The following TMEM132C variants were observed in gnomAD, a reference collection of about 807,000 sequenced individuals.
TMEM132C encodes the protein transmembrane protein 132C.
TMEM132C carries 29 observed loss-of-function variants against 61.4 expected under a neutral mutation model. The ratio of observed to expected loss-of-function variants is 0.47; its 90% CI spans 0.35 to 0.64. The LOEUF is 0.64. Among genes scored for constraint, TMEM132C ranks in the 30% least tolerant of loss-of-function variants. The pLI is 0.00. For missense variants in TMEM132C, 1,408 were observed against 1,476.9 expected, an observed-to-expected ratio of 0.95 and a Z score of 0.76; for synonymous variants, 656 against 633.1, an observed-to-expected ratio of 1.04 and a Z score of -0.54.
chr12:128,615,830 A>G (rs1876782049), intron 3 of TMEM132C, among the ~76,000 whole-genome samples: 3 of 152,224 alleles, frequency 2.0e-5, no homozygotes, highest in Admixed American at 1.3e-4. Context: ...ATTCAGGTGC[A>G]TACTGCAGGT....
rs1695240571 is a variant in TMEM132C, at chr12:128,415,931, T to C, written c.974+311T>C. On this transcript the variant is annotated intron_variant, in intron 2 of 8. Coordinates refer to ENST00000435159, the MANE Select transcript of TMEM132C (RefSeq NM_001136103.3). This position sits in a 1 kb window ranked among gnomAD's most constrained non-coding sequence, Gnocchi z 5.8. The stretch of plus-strand genomic sequence containing the variant: ...TTGGAGAGGGATGTGATTTTTCTTC[T>C]GCTGTGAATCCTTTGATGAGATACC... Among the ~76,000 whole-genome samples, 1 of 152,202 alleles carries C rather than the reference T, an allele frequency of 6.6e-6. No homozygotes were observed. Among genetic ancestry groups the C allele is most frequent in the Non-Finnish European group, 1.5e-5 (1 of 68,038 alleles).
intron 5 of TMEM132C, among the ~76,000 whole-genome samples, chr12:128,672,199 T>C (rs1336435284): frequency 6.6e-6 from 1 of 152,074 alleles, no homozygotes; most frequent in Admixed American, 6.6e-5. Context: ...AAATCGAAAC[T>C]AGCCCCATTT....
At chr12:128,543,033 G>A (rs926951612) in intron 2 of TMEM132C, among the ~76,000 whole-genome samples, 3 of 152,070 alleles carry the variant, frequency 2.0e-5, no homozygotes, top group Admixed American at 6.6e-5. Flanking sequence ...TACTTGTCTC[G>A]TCCGTTTATT....
chr12:128,669,341 T>G, intron 4 of TMEM132C, 76 bp from the exon 5 acceptor site: 2 of 1,500,668 alleles, frequency 1.3e-6, no homozygotes, highest in African/African-American at 1.4e-5. Flanking sequence ...CCCTGGGAGA[T>G]TCCCCCTAGA....
In TMEM132C at chr12:128,316,631, C is replaced by T. The variant is rs908588510; in HGVS notation, c.85+49144C>T. Among the ~76,000 whole-genome samples the T allele has an allele frequency of 2.5e-4, 38 of 152,242 alleles. 1 individual carries two copies. The highest frequency in any genetic ancestry group is 1.2e-3 in the Admixed American group (19 of 15,292). On this transcript the variant is annotated intron_variant, in intron 1 of 8. Coordinates refer to ENST00000435159, the MANE Select transcript of TMEM132C (RefSeq NM_001136103.3). ...AAGACCACAATACAACTTAAAATTACGCCTATTCATGGACCTCTGGTGTCA... is the reference window on the plus strand; with the variant it reads ...AAGACCACAATACAACTTAAAATTATGCCTATTCATGGACCTCTGGTGTCA...
chr12:128,705,021 T>C, intron 8 of TMEM132C, 69 bp from the exon 9 acceptor site: 1 of 1,448,826 alleles, frequency 6.9e-7, no homozygotes, highest in Non-Finnish European at 9.1e-7. Flanking sequence ...TTGGGCGTCC[T>C]CCTAGGAGGG....
At chr12:128,667,428 C>T (rs1954489659) in intron 4 of TMEM132C, among the ~76,000 whole-genome samples, 2 of 152,144 alleles carry the variant, frequency 1.3e-5, no homozygotes, top group African/African-American at 4.8e-5. Flanking sequence ...AGACATTGTG[C>T]AAGCTGCCTG....
intron 3 of TMEM132C, among the ~76,000 whole-genome samples, chr12:128,613,496 GA>G (rs1876703887): frequency 1.3e-5 from 2 of 152,278 alleles, no homozygotes; most frequent in South Asian, 2.1e-4. Flanking sequence ...TCTTAGTTTG[GA>G]AACACTCTAG....
At chr12:128,287,243 T>C (rs11059624) in intron 1 of TMEM132C, among the ~76,000 whole-genome samples, 38,736 of 152,152 alleles carry the variant, frequency 0.25, 6,078 homozygotes, top group Admixed American at 0.35. Flanking sequence ...CTTGGGTGCA[T>C]TGAGAACCTC....
chr12:128,388,880 A>G (rs1046973124), intron 1 of TMEM132C, among the ~76,000 whole-genome samples: 2 of 152,228 alleles, frequency 1.3e-5, no homozygotes, highest in Non-Finnish European at 2.9e-5. Context: ...TTTCACACGT[A>G]GCTTGAGGAA....
chr12:128,274,145 T>C (rs1395298188), intron 1 of TMEM132C, among the ~76,000 whole-genome samples: 1 of 152,154 alleles, frequency 6.6e-6, no homozygotes, highest in African/African-American at 2.4e-5. Context: ...AGACAATGGA[T>C]TCCAGTTATT....
At chr12:128,649,339 A>G (rs1359386229) in intron 4 of TMEM132C, among the ~76,000 whole-genome samples, 1 of 152,208 alleles carries the variant, frequency 6.6e-6, no homozygotes, top group Non-Finnish European at 1.5e-5. Context: ...GAGGAAGCAG[A>G]GAGCTGACAC....
At chr12:128,499,709 G>A (rs1252188641) in intron 2 of TMEM132C, among the ~76,000 whole-genome samples, 2 of 152,174 alleles carry the variant, frequency 1.3e-5, no homozygotes, top group Non-Finnish European at 2.9e-5. Context: ...CTTGGTGCAA[G>A]CAACAGGATT....
At chr12:128,539,312 T>C (rs779292691) in intron 2 of TMEM132C, among the ~76,000 whole-genome samples, 1 of 152,184 alleles carries the variant, frequency 6.6e-6, no homozygotes, top group East Asian at 1.9e-4. Context: ...AAGGAGTAAA[T>C]GACCTTAGCA....
chr12:128,534,946 T>C lies in TMEM132C; in HGVS notation c.975-9011T>C, dbSNP rs111659822. Among the ~76,000 whole-genome samples the C allele has an allele frequency of 9.9e-4, 151 of 152,298 alleles. 4 individuals carry two copies. The highest frequency in any genetic ancestry group is 3.5e-3 in the African/African-American group (144 of 41,562). On this transcript the variant is annotated intron_variant, in intron 2 of 8. Coordinates refer to ENST00000435159, the MANE Select transcript of TMEM132C (RefSeq NM_001136103.3). ...TGTAGCTTCAGTGAAATCTGAAATATTGAGAAAAATCCAAATGCAGAAAAA... is the reference window on the plus strand; with the variant it reads ...TGTAGCTTCAGTGAAATCTGAAATACTGAGAAAAATCCAAATGCAGAAAAA...
At chr12:128,487,561 A>G (rs1871543147) in intron 2 of TMEM132C, among the ~76,000 whole-genome samples, 1 of 150,228 alleles carries the variant, frequency 6.7e-6, no homozygotes, top group Admixed American at 6.7e-5. Flanking sequence ...TAAGTGCCCC[A>G]TGTAATCAGT....
At chr12:128,429,359 GA>G (rs1200084101) in intron 2 of TMEM132C, among the ~76,000 whole-genome samples, 1 of 152,132 alleles carries the variant, frequency 6.6e-6, no homozygotes, top group African/African-American at 2.4e-5. Flanking sequence ...ACCCTGAGAT[GA>G]ATAAATGGTT....
chr12:128,447,872 G>A (rs932785344), intron 2 of TMEM132C, among the ~76,000 whole-genome samples: 1 of 135,692 alleles, frequency 7.4e-6, no homozygotes. Context: ...GACTACAGGC[G>A]CCCGCCACCG....
At chr12:128,314,512 A>G (rs76360065) in intron 1 of TMEM132C, among the ~76,000 whole-genome samples, 49,931 of 152,004 alleles carry the variant, frequency 0.33, 8,620 homozygotes, top group East Asian at 0.47. Flanking sequence ...CCAAATTCAC[A>G]TCCACCCAGA....
Sources: gnomAD v4.1 joint callset for allele counts (sites outside exome capture counted in the v4.1 genomes callset) on GRCh38, gnomAD v4.1.1 for gene constraint, Gnocchi (gnomAD v3.1) non-coding constraint, MANE v1.5 for transcripts, NCBI Gene and HGNC (gene_info 2026-07-23, HGNC 2026-07-21) for gene names.